The following TENM2 variants were observed in gnomAD, a reference collection of about 807,000 sequenced individuals.
TENM2 encodes teneurin-2.
Under a neutral mutation model 245.2 loss-of-function variants are expected in TENM2, and 52 were observed. The observed-to-expected ratio is 0.21, with a 90% confidence interval of 0.17 to 0.27. The LOEUF is 0.27. TENM2 is among the 10% of genes least tolerant of loss of function. TENM2 has a pLI of 1.00. For missense variants in TENM2, 3,046 were observed against 3,666.8 expected, an observed-to-expected ratio of 0.83 and a Z score of 4.37; for synonymous variants, 1,363 against 1,438.9, an observed-to-expected ratio of 0.95 and a Z score of 1.19.
intron 2 of TENM2, among the ~76,000 whole-genome samples, chr5:167,795,855 G>A (rs568753331): frequency 1.0e-3 from 157 of 152,298 alleles, no homozygotes; most frequent in African/African-American, 3.6e-3. Flanking sequence ...AGAAGACTTC[G>A]AGGCAATGTG....
At chr5:167,555,383 T>G (rs751213299) in intron 2 of TENM2, among the ~76,000 whole-genome samples, 19 of 152,236 alleles carry the variant, frequency 1.2e-4, no homozygotes, top group Non-Finnish European at 2.1e-4. Flanking sequence ...TTTTGCTCAT[T>G]TATATGTTTC....
chr5:168,007,078 C>T (rs1274394306), intron 5 of TENM2, among the ~76,000 whole-genome samples: 1 of 152,026 alleles, frequency 6.6e-6, no homozygotes, highest in Admixed American at 6.6e-5. Context: ...TGAGTTTTTC[C>T]CAACTCAGGA....
chr5:167,812,268 G>A (rs933017737), intron 2 of TENM2, among the ~76,000 whole-genome samples: 1 of 152,124 alleles, frequency 6.6e-6, no homozygotes, highest in Non-Finnish European at 1.5e-5. Context: ...AGCCGAGGGA[G>A]AATTTTTAAG....
chr5:168,112,606 C>CGGTGGG (rs1554199700), intron 9 of TENM2, among the ~76,000 whole-genome samples: 4 of 64,082 alleles, frequency 6.2e-5, no homozygotes, highest in African/African-American at 1.7e-4. Flanking sequence ...GTGCAGTGGG[C>CGGTGGG]GGGGGGGGGG....
chr5:167,562,944 C>T (rs560910507), intron 2 of TENM2, among the ~76,000 whole-genome samples: 60 of 136,734 alleles, frequency 4.4e-4, no homozygotes, highest in African/African-American at 1.6e-3. Context: ...GCAACAAGAG[C>T]GAAATTCTGT....
At chr5:167,270,932 A>G in the TENM2 span, among the ~76,000 whole-genome samples, 65 of 152,254 alleles carry the variant, frequency 4.3e-4, no homozygotes, top group African/African-American at 1.5e-3. Context: ...GGATGGTTCA[A>G]TTAGTGATAA....
rs557580373 is a variant in TENM2, at chr5:168,053,209, G to T, written c.1309+5660G>T. Among the ~76,000 whole-genome samples, 7 of 152,276 alleles carry T rather than the reference G, an allele frequency of 4.6e-5. No individual in the cohort carries two copies. In the South Asian group the frequency reaches 8.3e-4, roughly 18 times the overall value. ...CCCAACAACTCCCCTCATTTAGGAG[G>T]CCATGCTGTTCTACATTGTTGCAGA... On this transcript the variant is annotated intron_variant, in intron 6 of 28. Coordinates refer to ENST00000518659, the Ensembl canonical transcript of TENM2.
chr5:167,663,805 A>G (rs1232596777), intron 2 of TENM2, among the ~76,000 whole-genome samples: 1 of 151,958 alleles, frequency 6.6e-6, no homozygotes, highest in Non-Finnish European at 1.5e-5. Flanking sequence ...AAATTTTTCT[A>G]TTTCATGATT....
intron 2 of TENM2, among the ~76,000 whole-genome samples, chr5:167,565,966 CTTA>C (rs1397621076): frequency 1.3e-5 from 2 of 152,042 alleles, no homozygotes; most frequent in Non-Finnish European, 2.9e-5. Flanking sequence ...GTTTAAGCCC[CTTA>C]TTATAGGGGA....
intron 2 of TENM2, among the ~76,000 whole-genome samples, chr5:167,408,423 C>T (rs571808616): frequency 2.6e-5 from 4 of 152,170 alleles, no homozygotes; most frequent in African/African-American, 9.6e-5. Flanking sequence ...TGTTGTATTG[C>T]TCAAAGAATG....
At chr5:168,228,245 C>T in intron 25 of TENM2, 115 bp downstream of exon 27, 1 of 831,154 alleles carries the variant, frequency 1.2e-6, no homozygotes, top group South Asian at 1.7e-5. Context: ...ACACTTTCCT[C>T]ACAGAGCTGA....
rs539938784 is a variant in TENM2, at chr5:167,375,350, C to A, written c.379C>A (p.His127Asn). 163 of 1,551,684 alleles carry A rather than the reference C, an allele frequency of 1.1e-4. 2 individuals carry two copies. In the Admixed American group the frequency reaches 3.1e-3, roughly 30 times the overall value. ...CACCGAGGGAGGGATGTCTCCAGAA[C>A]ACGCCATCAGACTGTGGGGCAGAGG... Residue 127 changes from histidine (H) to asparagine (N), a missense_variant, in exon 2 of 29, where the codon CAC becomes AAC. By Grantham distance (68) the His-to-Asn change is moderately conservative (BLOSUM62 1). Coordinates refer to ENST00000518659, the Ensembl canonical transcript of TENM2.
At chr5:167,864,906 G>A (rs1561871202) in intron 2 of TENM2, among the ~76,000 whole-genome samples, 1 of 152,160 alleles carries the variant, frequency 6.6e-6, no homozygotes, top group Non-Finnish European at 1.5e-5. Flanking sequence ...TATATACCAG[G>A]AACCGCAAGA....
At chr5:167,867,992 C>T (rs184291490) in intron 2 of TENM2, among the ~76,000 whole-genome samples, 4 of 152,312 alleles carry the variant, frequency 2.6e-5, no homozygotes, top group Non-Finnish European at 5.9e-5. Context: ...AAATGTTTTA[C>T]TTCTAATATC....
intron 2 of TENM2, among the ~76,000 whole-genome samples, chr5:167,698,351 T>G (rs1401429324): frequency 6.6e-6 from 1 of 152,226 alleles, no homozygotes; most frequent in Non-Finnish European, 1.5e-5. Flanking sequence ...AGACCATGTT[T>G]TACTGTTCTG....
At chr5:168,077,792 G>A (rs1378486577) in intron 7 of TENM2, among the ~76,000 whole-genome samples, 2 of 152,166 alleles carry the variant, frequency 1.3e-5, no homozygotes, top group African/African-American at 2.4e-5. Flanking sequence ...ATTCCATGGT[G>A]TATATGTGCC....
At chr5:168,173,643 A>T (rs1759061338) in intron 13 of TENM2, among the ~76,000 whole-genome samples, 1 of 152,058 alleles carries the variant, frequency 6.6e-6, no homozygotes, top group Non-Finnish European at 1.5e-5. Flanking sequence ...CATCCAACAA[A>T]CATATACCAA....
the TENM2 span, among the ~76,000 whole-genome samples, chr5:167,138,372 G>C: frequency 6.6e-6 from 1 of 152,186 alleles, no homozygotes; most frequent in Non-Finnish European, 1.5e-5. Context: ...CAGAGCTAGA[G>C]TAATGGACAG....
the TENM2 span, among the ~76,000 whole-genome samples, chr5:167,120,214 T>G: frequency 1.3e-5 from 2 of 152,076 alleles, no homozygotes; most frequent in African/African-American, 2.4e-5. Flanking sequence ...ATTGAAAGAT[T>G]TTTGGTAGGG....
Sources: gnomAD v4.1 joint callset for allele counts (sites outside exome capture counted in the v4.1 genomes callset) on GRCh38, gnomAD v4.1.1 for gene constraint, MANE v1.5 for transcripts, NCBI Gene and HGNC (gene_info 2026-07-23, HGNC 2026-07-21) for gene names.